DNAH11: variants seen among roughly 807,000 people sequenced by gnomAD.
DNAH11 encodes axonemal beta dynein heavy chain 11.
Under a neutral mutation model 526.0 loss-of-function variants are expected in DNAH11, and 442 were observed. The ratio of observed to expected loss-of-function variants is 0.84; its 90% CI spans 0.78 to 0.91. The LOEUF (loss-of-function observed/expected upper bound fraction) is 0.91, where lower values mean the gene tolerates loss of function less well. DNAH11 is among the 40% of genes least tolerant of loss of function. DNAH11 has a pLI of 0.00. For missense variants in DNAH11, 6,989 were observed against 5,448.7 expected (o/e 1.28, Z -8.90); for synonymous variants, 2,461 against 1,935.9 (o/e 1.27, Z -7.12).
intron 35 of DNAH11, among the ~76,000 whole-genome samples, chr7:21,696,626 T>C (rs1219302958): frequency 6.6e-6 from 1 of 152,218 alleles, no homozygotes. Context: ...AATTGTCTTG[T>C]GAATTTTTTT....
rs1035536389 is a variant in DNAH11, at chr7:21,880,889, C to G, written c.12383C>G (p.Ser4128Cys). The part of the protein sequence containing the change: ...SVLYNYLEAN[S>C]KVPWEDLRYL... ...CTCTACAACTACTTAGAGGCAAACT[C>G]TAAAGTAAGTGCTAGTGGTCAAATA... is the stretch of plus-strand genomic sequence containing the variant. Residue 4128 changes from serine (S) to cysteine (C), a missense_variant, in exon 75 of 82, where the codon TCT (serine) becomes TGT (cysteine). Ser to Cys is a moderately radical substitution (Grantham distance 112, BLOSUM62 -1). Coordinates refer to ENST00000409508, the MANE Select transcript of DNAH11 (RefSeq NM_001277115.2). The G allele has an allele frequency of 1.3e-6, 2 of 1,599,486 alleles. No homozygotes were observed. Among genetic ancestry groups the G allele is most frequent in the African/African-American group, 2.7e-5 (2 of 74,014 alleles).
intron 63 of DNAH11, among the ~76,000 whole-genome samples, chr7:21,812,189 C>T (rs183076859): frequency 1.1e-3 from 161 of 152,138 alleles, no homozygotes; most frequent in African/African-American, 3.6e-3. Flanking sequence ...CTTGGAAAGG[C>T]GAGAAAGACC....
At chr7:21,864,723 G>T (rs1411541670) in intron 70 of DNAH11, 66 bp downstream of exon 70, 1 of 1,447,818 alleles carries the variant, frequency 6.9e-7, no homozygotes. Flanking sequence ...CTCCAGTGTT[G>T]AAATGTAAAC....
Position 21,838,716 on chromosome 7 carries a change from CTATT to C in DNAH11, c.10692-3798_10692-3795del, listed in dbSNP as rs34468017. ...ATATTTCATTGTTTGGATTTTTAAA[CTATT>C]TATTTATTTATTTATTTATTTATTT... is the stretch of plus-strand genomic sequence containing the variant. On this transcript the variant is annotated intron_variant, in intron 65 of 81. Transcript: ENST00000409508. 4.4e-3 allele frequency among the ~76,000 whole-genome samples: 657 copies of C among 148,982 alleles called. 3 individuals carry two copies. The highest frequency in any genetic ancestry group is 0.012 in the African/African-American group (498 of 40,044).
At chr7:21,857,168 A>T (rs766917609) in intron 68 of DNAH11, among the ~76,000 whole-genome samples, 1 of 152,220 alleles carries the variant, frequency 6.6e-6, no homozygotes, top group East Asian at 1.9e-4. Flanking sequence ...GTATTTCTAT[A>T]CATGAGAAAC....
At chr7:21,868,406 C>T (rs1783369180) in intron 72 of DNAH11, among the ~76,000 whole-genome samples, 1 of 152,122 alleles carries the variant, frequency 6.6e-6, no homozygotes, top group Non-Finnish European at 1.5e-5. Flanking sequence ...ACCAAGAATA[C>T]CAGGTTAATA....
At chr7:21,900,766 A>G in intron 81 of DNAH11, 1 of 407,706 alleles carries the variant, frequency 2.5e-6, no homozygotes, top group East Asian at 4.3e-5. Flanking sequence ...ATTTCATAAA[A>G]TCAGCTTACT....
intron 30 of DNAH11, among the ~76,000 whole-genome samples, chr7:21,670,305 ATAAT>A (rs1302900952): frequency 6.6e-6 from 1 of 151,956 alleles, no homozygotes; most frequent in East Asian, 1.9e-4. Context: ...ATTTTATATA[ATAAT>A]TTTTAAATTT....
intron 20 of DNAH11, among the ~76,000 whole-genome samples, chr7:21,609,719 C>G (rs1785440633): frequency 1.3e-5 from 2 of 152,088 alleles, no homozygotes; most frequent in South Asian, 4.1e-4. Context: ...TTCACAAGAA[C>G]ATAAAACAAA....
intron 6 of DNAH11, among the ~76,000 whole-genome samples, chr7:21,569,308 G>A (rs778105284): frequency 9.9e-5 from 15 of 152,248 alleles, no homozygotes; most frequent in Non-Finnish European, 1.6e-4. Flanking sequence ...GTTAAGATGC[G>A]TCAGGAAGAG....
At chr7:21,639,181 T>G in intron 28 of DNAH11, 116 bp downstream of exon 28, 1 of 1,301,956 alleles carries the variant, frequency 7.7e-7, no homozygotes, top group Non-Finnish European at 1.0e-6. Context: ...CTAGAAAATC[T>G]GCAGTTAAAA....
intron 25 of DNAH11, among the ~76,000 whole-genome samples, chr7:21,627,963 A>G (rs770939374): frequency 6.6e-6 from 1 of 151,892 alleles, no homozygotes; most frequent in Non-Finnish European, 1.5e-5. Context: ...AGTGTTTCAT[A>G]ATGTTTCTCA....
chr7:21,893,214 T>C (rs756368888), intron 77 of DNAH11, among the ~76,000 whole-genome samples: 22 of 152,232 alleles, frequency 1.4e-4, no homozygotes, highest in Non-Finnish European at 2.4e-4. Context: ...GAAGTGGGAT[T>C]GCCAGATAAC....
chr7:21,725,960 T>A lies in DNAH11; in HGVS notation c.7416T>A (p.Thr2472=). The A allele has an allele frequency of 1.9e-6, 3 of 1,555,912 alleles. No individual in the cohort carries two copies. The highest frequency in any genetic ancestry group is 2.6e-6 in the Non-Finnish European group (3 of 1,148,884). Residue 2472 remains threonine, a synonymous_variant, in exon 45 of 82, where the codon ACT becomes ACA. Coordinates refer to ENST00000409508, the MANE Select transcript of DNAH11 (RefSeq NM_001277115.2). The part of the protein sequence containing the change: ...LPWADKIAQF[T]MDPDVPLQTV... Reference sequence around the variant, plus strand: ...GGGCTGACAAAATTGCCCAGTTTACTATGGATCCAGATGTGCCTCTGCAGG... The same window carrying A: ...GGGCTGACAAAATTGCCCAGTTTACAATGGATCCAGATGTGCCTCTGCAGG...
chr7:21,668,309 A>C (rs778122097), intron 30 of DNAH11, among the ~76,000 whole-genome samples: 2 of 152,132 alleles, frequency 1.3e-5, no homozygotes. Context: ...AGCAAAGGGC[A>C]TGTTGACTTA....
intron 55 of DNAH11, among the ~76,000 whole-genome samples, chr7:21,766,732 T>C (rs1345817687): frequency 6.7e-6 from 1 of 149,654 alleles, no homozygotes; most frequent in Non-Finnish European, 1.5e-5. Flanking sequence ...AAAGCAGCTA[T>C]AGAGGTAAGT....
intron 28 of DNAH11, among the ~76,000 whole-genome samples, chr7:21,650,821 G>A (rs1787593136): frequency 6.6e-6 from 1 of 151,610 alleles, no homozygotes; most frequent in Admixed American, 6.6e-5. Flanking sequence ...TGTATTTTTA[G>A]TAGAGTTGGC....
chr7:21,802,808 T>C (rs1224898056), intron 62 of DNAH11, among the ~76,000 whole-genome samples: 1 of 151,792 alleles, frequency 6.6e-6, no homozygotes, highest in South Asian at 2.1e-4. Flanking sequence ...AGACGCAAAA[T>C]AGACTAATGG....
At chr7:21,771,710 C>T (rs1207362693) in intron 55 of DNAH11, among the ~76,000 whole-genome samples, 1 of 152,074 alleles carries the variant, frequency 6.6e-6, no homozygotes, top group Non-Finnish European at 1.5e-5. Context: ...TGGTTATCAA[C>T]TGGTTTTTAT....
Sources: allele counts gnomAD v4.1 joint callset (sites outside exome capture counted in the v4.1 genomes callset), GRCh38; gene constraint gnomAD v4.1.1; transcripts MANE v1.5; gene names NCBI Gene and HGNC (gene_info 2026-07-23, HGNC 2026-07-21).